KDM5B: variants seen among roughly 807,000 people sequenced by gnomAD.
The protein encoded by KDM5B is lysine demethylase 5B, also known as lysine-specific demethylase 5B.
In KDM5B, 144 loss-of-function variants were observed where a neutral mutation model predicts 193.4. The ratio of observed to expected loss-of-function variants is 0.74; its 90% CI spans 0.65 to 0.86. The LOEUF (loss-of-function observed/expected upper bound fraction) is 0.86. Among genes scored for constraint, KDM5B ranks in the 40% least tolerant of loss-of-function variants. KDM5B has a pLI of 0.00. For missense variants in KDM5B, 1,833 were observed against 1,886.9 expected, an observed-to-expected ratio of 0.97 and a Z score of 0.53; for synonymous variants, 668 against 682.6, an observed-to-expected ratio of 0.98 and a Z score of 0.33.
At chr1:202,765,385 T>C (rs991855686) in intron 5 of KDM5B, among the ~76,000 whole-genome samples, 10 of 152,248 alleles carry the variant, frequency 6.6e-5, no homozygotes, top group African/African-American at 2.4e-4. Flanking sequence ...CTGAAGTATC[T>C]GTGGAACTGT....
At chr1:202,774,511 A>T in intron 3 of KDM5B, 102 bp downstream of exon 3, 1 of 1,093,094 alleles carries the variant, frequency 9.1e-7, no homozygotes, top group Non-Finnish European at 1.4e-6. Flanking sequence ...TACAGGTGCG[A>T]GCCACCTGGC....
chr1:202,762,560 T>A lies in KDM5B; in HGVS notation c.918+139A>T, dbSNP rs1656294149. The A allele has an allele frequency of 4.6e-6, 3 of 651,384 alleles. No individual in the cohort carries two copies. The South Asian group carries it at 5.6e-5, about 12-fold the overall frequency. The allele number at this position is 651,384 out of a possible 1,614,324, so 40.4% of individuals were successfully genotyped here. A position where few individuals can be genotyped will look rare whatever the true frequency, so the allele number is the denominator to read the frequency against. On this transcript the variant is annotated intron_variant, in intron 7 of 26. Transcript: ENST00000367265. Reference sequence around the variant, plus strand: ...CACTATAAACTGACTTCAGAAGATATTTTTATTGTCAGACACTAAGTTAAA... The same window carrying A: ...CACTATAAACTGACTTCAGAAGATAATTTTATTGTCAGACACTAAGTTAAA...
chr1:202,752,822 A>T (rs1479985581), intron 12 of KDM5B, 83 bp downstream of exon 12: 2 of 1,321,696 alleles, frequency 1.5e-6, no homozygotes, highest in Admixed American at 2.0e-5. Flanking sequence ...GAACTAAATC[A>T]ACATCATAAA....
In KDM5B at chr1:202,755,542, A is replaced by G; in HGVS notation, c.1357-90T>C. The G allele has an allele frequency of 2.9e-6, 3 of 1,044,532 alleles. No individual in the cohort carries two copies. The South Asian group carries it at 4.9e-5, about 17-fold the overall frequency. The allele number at this position is 1,044,532 out of a possible 1,614,324, so 64.7% of individuals were successfully genotyped here. A position where few individuals can be genotyped will look rare whatever the true frequency, so the allele number is the denominator to read the frequency against. ...AGCTAAAAATATTATCCTTCAAAATAAAAAAAGAAATGTGGAAGAGGAGGG... is the reference window on the plus strand; with the variant it reads ...AGCTAAAAATATTATCCTTCAAAATGAAAAAAGAAATGTGGAAGAGGAGGG... On this transcript the variant is annotated intron_variant, in intron 10 of 26. Coordinates refer to ENST00000367265, the MANE Select transcript of KDM5B (RefSeq NM_006618.5).
In KDM5B at chr1:202,731,955, C is replaced by T. The variant is rs757900909; in HGVS notation, c.3910-16G>A. 2.0e-5 allele frequency: 31 copies of T among 1,519,628 alleles called. No individual in the cohort carries two copies. The highest frequency in any genetic ancestry group is 2.5e-5 in the Non-Finnish European group (28 of 1,103,884). 94.1% of individuals were successfully genotyped at this position (1,519,628 alleles called of 1,614,324 possible). The stretch of plus-strand genomic sequence containing the variant: ...GTTGAGATACCTAATGGAGGGAAAA[C>T]GTTTTATAATAAAATCTCTTCAGGA... On this transcript the variant is annotated splice_polypyrimidine_tract_variant and intron_variant, in intron 23 of 26. Transcript: ENST00000367265.
rs1657217180 is a variant in KDM5B, at chr1:202,781,999, AAT to A, written c.205-4907_205-4906del. On this transcript the variant is annotated intron_variant, in intron 1 of 26. Coordinates refer to ENST00000367265, the MANE Select transcript of KDM5B (RefSeq NM_006618.5). ...AAATTAAAATGAGCTTCTATGTATGAATATATACACAATATACTTATTTTAGC... is the reference window on the plus strand; with the variant it reads ...AAATTAAAATGAGCTTCTATGTATGAATATACACAATATACTTATTTTAGC... Among the ~76,000 whole-genome samples, 3 of 87,702 alleles carry A rather than the reference AAT, an allele frequency of 3.4e-5. No homozygotes were observed. In the Admixed American group the frequency reaches 3.9e-4, roughly 11 times the overall value. 57.5% of individuals were successfully genotyped at this position (87,702 alleles called of 152,430 possible).
intron 1 of KDM5B, among the ~76,000 whole-genome samples, chr1:202,802,979 G>A (rs890918422): frequency 5.9e-5 from 9 of 152,056 alleles, no homozygotes; most frequent in African/African-American, 2.2e-4. Context: ...AGGCCAAAGC[G>A]GGAGAACTGC....
intron 16 of KDM5B, among the ~76,000 whole-genome samples, chr1:202,745,141 A>T (rs1205601089): frequency 6.6e-6 from 1 of 152,198 alleles, no homozygotes; most frequent in East Asian, 1.9e-4. Flanking sequence ...ACGTGAACAC[A>T]TACAGGGGAA....
chr1:202,782,007 CACAATAT>C (rs34772333), intron 1 of KDM5B, among the ~76,000 whole-genome samples: 92,559 of 151,248 alleles, frequency 0.61, 31,172 homozygotes, highest in Middle Eastern at 0.77. Flanking sequence ...TGAATATATA[CACAATAT>C]ACTTATTTTA....
At chr1:202,757,853 A>G (rs1412689574) in intron 9 of KDM5B, among the ~76,000 whole-genome samples, 1 of 152,236 alleles carries the variant, frequency 6.6e-6, no homozygotes, top group Non-Finnish European at 1.5e-5. Flanking sequence ...AGTAGTGACA[A>G]AAATCATAGC....
Position 202,767,080 on chromosome 1 carries a change from T to C in KDM5B, c.577-20A>G. On this transcript the variant is annotated intron_variant, in intron 4 of 26. Coordinates refer to ENST00000367265, the MANE Select transcript of KDM5B (RefSeq NM_006618.5). Reference sequence around the variant, plus strand: ...CAAACACTAGAAATAACAACTGTACTGATAAATTCCCTCCTTTTTTTTTTC... The same window carrying C: ...CAAACACTAGAAATAACAACTGTACCGATAAATTCCCTCCTTTTTTTTTTC... The C allele has an allele frequency of 6.2e-7, 1 of 1,606,980 alleles. No homozygotes were observed. The highest frequency in any genetic ancestry group is 1.3e-5 in the African/African-American group (1 of 74,282).
In KDM5B at chr1:202,724,795, T is replaced by C. The variant is rs1303314173; in HGVS notation, c.*4241A>G. ...CAGAATCACAGTCAGTGAGAACGTA[T>C]TGGCAAGGGCAGAAAGGAAGCATGG... On this transcript the variant is annotated 3_prime_UTR_variant, in exon 27 of 27. Transcript: ENST00000367265. The C allele has an allele frequency of 2.0e-5, 3 of 152,178 alleles. No individual in the cohort carries two copies. Among genetic ancestry groups the C allele is most frequent in the East Asian group, 1.9e-4 (1 of 5,202 alleles). 9.4% of individuals were successfully genotyped at this position (152,178 alleles called of 1,614,324 possible).
intron 1 of KDM5B, among the ~76,000 whole-genome samples, chr1:202,804,254 G>GT (rs67664728): frequency 2.6e-5 from 4 of 151,040 alleles, no homozygotes; most frequent in South Asian, 2.1e-4. Flanking sequence ...CAATAAAAGG[G>GT]TTTTTTTTTT....
intron 23 of KDM5B, 85 bp downstream of exon 23, chr1:202,733,316 A>G (rs1226996672): frequency 6.7e-7 from 1 of 1,482,016 alleles, no homozygotes; most frequent in Non-Finnish European, 9.2e-7. Context: ...CACCAAGGGA[A>G]TAGCAACACC....
chr1:202,802,136 A>C (rs1658100329), intron 1 of KDM5B, among the ~76,000 whole-genome samples: 3 of 152,170 alleles, frequency 2.0e-5, no homozygotes, highest in Admixed American at 2.0e-4. Flanking sequence ...AGTTTTTCAA[A>C]CCTATAGATG....
chr1:202,787,950 A>AG (rs1268467224), intron 1 of KDM5B, among the ~76,000 whole-genome samples: 1 of 151,998 alleles, frequency 6.6e-6, no homozygotes, highest in Non-Finnish European at 1.5e-5. Context: ...TTTAGCTGAA[A>AG]GGGGGGAGTT....
chr1:202,732,751 G>T (rs951335350), intron 23 of KDM5B, among the ~76,000 whole-genome samples: 1 of 151,982 alleles, frequency 6.6e-6, no homozygotes, highest in Non-Finnish European at 1.5e-5. Context: ...AAAACCATCA[G>T]ATTAACCTCA....
chr1:202,746,683 G>T, intron 14 of KDM5B: 1 of 166,500 alleles, frequency 6.0e-6, no homozygotes, highest in Non-Finnish European at 1.3e-5. Context: ...TAAAAGAAAG[G>T]AATATGTTTC....
intron 24 of KDM5B, 146 bp from the exon 25 acceptor site, chr1:202,731,209 G>A (rs1283272238): frequency 1.6e-6 from 1 of 619,324 alleles, no homozygotes; most frequent in African/African-American, 1.8e-5. Flanking sequence ...CAGTTGAAGT[G>A]AGGTTTAATG....
Sources: allele counts gnomAD v4.1 joint callset (sites outside exome capture counted in the v4.1 genomes callset), GRCh38; gene constraint gnomAD v4.1.1; transcripts MANE v1.5; gene names NCBI Gene and HGNC (gene_info 2026-07-23, HGNC 2026-07-21).